The following KANSL1 variants were observed in gnomAD, a reference collection of about 807,000 sequenced individuals.
KANSL1 encodes MLL1/MLL complex subunit KANSL1.
KANSL1 carries 22 observed loss-of-function variants against 103.6 expected under a neutral mutation model. The observed-to-expected ratio is 0.21, with a 90% CI of 0.15 to 0.30. KANSL1 has a LOEUF of 0.30. KANSL1 is among the 10% of genes least tolerant of loss of function. The pLI, the probability that KANSL1 is intolerant of heterozygous loss-of-function variation, is 1.00. For missense variants in KANSL1, 1,337 were observed against 1,399.8 expected, an observed-to-expected ratio of 0.96 and a Z score of 0.72; for synonymous variants, 600 against 527.6, an observed-to-expected ratio of 1.14 and a Z score of -1.88.
intron 1 of KANSL1, among the ~76,000 whole-genome samples, chr17:46,183,512 C>T (rs1293878273): frequency 2.0e-5 from 3 of 151,718 alleles, no homozygotes; most frequent in Non-Finnish European, 4.4e-5. Flanking sequence ...TGCACTCCAG[C>T]CTGGGTTACA....
chr17:46,154,912 T>C (rs2045331919), intron 2 of KANSL1, among the ~76,000 whole-genome samples: 1 of 152,232 alleles, frequency 6.6e-6, no homozygotes, highest in South Asian at 2.1e-4. Flanking sequence ...CTCAAAGTCC[T>C]GGCCTCCTAA....
intron 2 of KANSL1, among the ~76,000 whole-genome samples, chr17:46,100,443 C>CAAAAAAAA (rs1568448154): frequency 9.3e-6 from 1 of 107,732 alleles, no homozygotes; most frequent in Non-Finnish European, 2.4e-5. Flanking sequence ...CTCCCTCTCC[C>CAAAAAAAA]CAAAAAAAAA....
chr17:46,085,857 G>C (rs1057129191), intron 3 of KANSL1, among the ~76,000 whole-genome samples: 1 of 152,130 alleles, frequency 6.6e-6, no homozygotes, highest in African/African-American at 2.4e-5. Flanking sequence ...CAAACTCCTA[G>C]ACTCAAGCAA....
chr17:46,123,589 C>G (rs1272749005), intron 2 of KANSL1, among the ~76,000 whole-genome samples: 2 of 152,168 alleles, frequency 1.3e-5, no homozygotes, highest in Non-Finnish European at 2.9e-5. Context: ...CTGATATGGA[C>G]AAAGTTTTAG....
intron 1 of KANSL1, among the ~76,000 whole-genome samples, chr17:46,178,703 T>C (rs891306212): frequency 6.6e-6 from 1 of 152,202 alleles, no homozygotes; most frequent in Non-Finnish European, 1.5e-5. Context: ...AGCAAGCAAA[T>C]ACATTTCGGA....
At chr17:46,057,763 A>T (rs929632114) in intron 6 of KANSL1, among the ~76,000 whole-genome samples, 4 of 152,228 alleles carry the variant, frequency 2.6e-5, no homozygotes, top group Admixed American at 1.3e-4. Context: ...TAGTGGTAGA[A>T]CCTAGGGAGT....
Position 46,171,084 on chromosome 17 carries a change from A to G in KANSL1, c.1060T>C (p.Leu354=). Residue 354 remains leucine (L), a synonymous_variant, in exon 2 of 15, where the codon TTG becomes CTG. Transcript: ENST00000432791. ...LMLTRKAEAA[L]RKAASETTTS... is the part of the protein sequence containing the mutation. Reference sequence around the variant, plus strand: ...GTGGTCTCACTGGCAGCTTTTCTCAAGGCAGCTTCAGCCTTTCGAGTCAGC... The same window carrying G: ...GTGGTCTCACTGGCAGCTTTTCTCAGGGCAGCTTCAGCCTTTCGAGTCAGC... 3 of 1,614,148 alleles carry G rather than the reference A, an allele frequency of 1.9e-6. No individual in the cohort carries two copies. The highest frequency in any genetic ancestry group is 2.2e-5 in the South Asian group (2 of 91,092).
chr17:46,153,180 GCAAA>G (rs1416513959), intron 2 of KANSL1, among the ~76,000 whole-genome samples: 5 of 152,164 alleles, frequency 3.3e-5, no homozygotes, highest in Admixed American at 6.5e-5. Context: ...CTAGGAAAGT[GCAAA>G]CAAAGACATA....
chr17:46,039,741 C>CT lies in KANSL1; in HGVS notation c.2163_2164insA (p.Asp722ArgfsTer23). ...AAGGAGCTGACCAATTTGTGCCTGT[C>CT]CTTACGAGCTGAATCTGGCAGACTG... is the stretch of plus-strand genomic sequence containing the variant. On this transcript the variant is annotated frameshift_variant, in exon 8 of 15. Transcript: ENST00000432791. LOFTEE classifies it high-confidence loss of function. 6.2e-7 allele frequency: 1 copy of CT among 1,614,132 alleles called. No individual in the cohort carries two copies. The highest frequency in any genetic ancestry group is 8.5e-7 in the Non-Finnish European group (1 of 1,180,014).
At chr17:46,147,657 T>C (rs1178587749) in intron 2 of KANSL1, among the ~76,000 whole-genome samples, 1 of 149,442 alleles carries the variant, frequency 6.7e-6, no homozygotes, top group Non-Finnish European at 1.5e-5. Flanking sequence ...AGATACTACA[T>C]AATCACATTA....
chr17:46,212,382 A>G (rs1209841572), intron 1 of KANSL1, among the ~76,000 whole-genome samples: 1 of 152,062 alleles, frequency 6.6e-6, no homozygotes, highest in East Asian at 1.9e-4. Flanking sequence ...CACCACGCCC[A>G]GCTAATTTTT....
At chr17:46,174,693 G>A (rs924673744) in intron 1 of KANSL1, among the ~76,000 whole-genome samples, 1 of 152,178 alleles carries the variant, frequency 6.6e-6, no homozygotes, top group Non-Finnish European at 1.5e-5. Context: ...CTGTTATTTT[G>A]AAACAGGGTC....
intron 3 of KANSL1, among the ~76,000 whole-genome samples, chr17:46,083,953 A>T (rs999349317): frequency 2.6e-5 from 4 of 152,180 alleles, no homozygotes; most frequent in Non-Finnish European, 5.9e-5. Context: ...AGAAAAGGGG[A>T]AAACATTAAG....
intron 7 of KANSL1, chr17:46,043,794 G>C (rs2077408181): frequency 6.6e-6 from 1 of 152,138 alleles, no homozygotes; most frequent in Non-Finnish European, 1.5e-5. Flanking sequence ...GCACATTGTA[G>C]AACCCAAGTC....
intron 6 of KANSL1, among the ~76,000 whole-genome samples, chr17:46,056,163 A>G (rs538187067): frequency 6.6e-6 from 1 of 152,094 alleles, no homozygotes; most frequent in Non-Finnish European, 1.5e-5. Flanking sequence ...AAGCCTGGCT[A>G]ATTTCTGTAT....
intron 4 of KANSL1, among the ~76,000 whole-genome samples, chr17:46,080,103 AT>A (rs1384271067): frequency 6.6e-6 from 1 of 152,126 alleles, no homozygotes; most frequent in Admixed American, 6.5e-5. Context: ...AAAGACGCTG[AT>A]TTTTTTGTTA....
At chr17:46,178,407 C>T (rs1387164761) in intron 1 of KANSL1, among the ~76,000 whole-genome samples, 4 of 152,142 alleles carry the variant, frequency 2.6e-5, no homozygotes, top group South Asian at 2.1e-4. Context: ...TCTAATTTAC[C>T]GGTGGGGATA....
chr17:46,144,570 G>T (rs1036108808), intron 2 of KANSL1, among the ~76,000 whole-genome samples: 1 of 152,216 alleles, frequency 6.6e-6, no homozygotes, highest in Non-Finnish European at 1.5e-5. Context: ...GCCATGAATT[G>T]CAGCTGTAGA....
chr17:46,215,046 TA>T (rs1267167533), intron 1 of KANSL1: 1 of 152,318 alleles, frequency 6.6e-6, no homozygotes, highest in African/African-American at 2.4e-5. Flanking sequence ...CTGTTATTAC[TA>T]TTATCACTAC....
Sources: allele counts gnomAD v4.1 joint callset (sites outside exome capture counted in the v4.1 genomes callset), GRCh38; gene constraint gnomAD v4.1.1; transcripts MANE v1.5; gene names NCBI Gene and HGNC (gene_info 2026-07-23, HGNC 2026-07-21).